PCDHGA5: variants seen among roughly 807,000 people sequenced by gnomAD.
PCDHGA5 encodes protocadherin gamma subfamily A, 5.
A neutral mutation model predicts 56.7 loss-of-function variants in PCDHGA5; 36 were observed. The observed-to-expected ratio is 0.64, with a 90% confidence interval of 0.49 to 0.84. The LOEUF (loss-of-function observed/expected upper bound fraction) is 0.84. Among genes scored for constraint, PCDHGA5 ranks in the 40% least tolerant of loss-of-function variants. The pLI is 0.00. For missense variants in PCDHGA5, 1,305 were observed against 1,201.5 expected (o/e 1.09, Z -1.27); for synonymous variants, 563 against 520.2 (o/e 1.08, Z -1.12).
intron 1 of PCDHGA5, chr5:141,370,755 G>C: frequency 6.2e-7 from 1 of 1,613,972 alleles, no homozygotes; most frequent in South Asian, 1.1e-5. Flanking sequence ...TCATGTAACT[G>C]TGCTGATCCA....
chr5:141,364,420 G>C lies in PCDHGA5; in HGVS notation c.90G>C (p.Gln30His), dbSNP rs1763313585. 6.2e-7 allele frequency: 1 copy of C among 1,613,554 alleles called. No homozygotes were observed. Reference protein sequence around the residue: ...LGTLCEPGSGQIRYSMPEELD... With the variant: ...LGTLCEPGSGHIRYSMPEELD... Reference sequence around the variant, plus strand: ...CGCTGTGCGAGCCAGGATCCGGGCAGATCCGCTACTCGATGCCGGAGGAGC... The same window carrying C: ...CGCTGTGCGAGCCAGGATCCGGGCACATCCGCTACTCGATGCCGGAGGAGC... Residue 30 changes from glutamine (Q) to histidine (H), a missense_variant, in exon 1 of 4, where the codon CAG becomes CAC. Transcript: ENST00000518069.
intron 1 of PCDHGA5, chr5:141,430,575 A>T (rs1056696427): frequency 2.2e-6 from 1 of 455,822 alleles, no homozygotes; most frequent in Non-Finnish European, 3.7e-6. Flanking sequence ...AAAAGCGGAG[A>T]TCCTGCTCGC....
chr5:141,485,109 CTGTT>C lies in PCDHGA5; in HGVS notation c.2422-9695_2422-9692del. ...AGATAGGTGTCTCCAGCTGCTGTGG[CTGTT>C]TGGGGCGGGTCGGCTTCATCCGCGT... On this transcript the variant is annotated intron_variant, in intron 1 of 3. Transcript: ENST00000518069. This position sits in a 1 kb window ranked among gnomAD's most constrained non-coding sequence, Gnocchi z 5.7. 8.1e-7 allele frequency: 1 copy of C among 1,230,964 alleles called. No individual in the cohort carries two copies. Among genetic ancestry groups the C allele is most frequent in the Non-Finnish European group, 1.2e-6 (1 of 850,026 alleles). The allele number at this position is 1,230,964 out of a possible 1,614,324, so 76.3% of individuals were successfully genotyped here.
At chr5:141,433,767 G>A (rs1237334342) in intron 1 of PCDHGA5, among the ~76,000 whole-genome samples, 1 of 151,532 alleles carries the variant, frequency 6.6e-6, no homozygotes, top group East Asian at 1.9e-4. Flanking sequence ...AACCTGGGAG[G>A]TGGAGGTTGC....
Position 141,419,737 on chromosome 5 carries a change from G to A in PCDHGA5, c.2421+52986G>A, listed in dbSNP as rs201663350. 29 of 1,613,836 alleles carry A rather than the reference G, an allele frequency of 1.8e-5. No individual in the cohort carries two copies. In the African/African-American group the frequency reaches 3.6e-4, roughly 20 times the overall value. ...GCCTGGGGCTGCGAACAGGCGAGGTGCGCATGGTGCGTGCTTTGGGTGACA... is the reference window on the plus strand; with the variant it reads ...GCCTGGGGCTGCGAACAGGCGAGGTACGCATGGTGCGTGCTTTGGGTGACA... On this transcript the variant is annotated intron_variant, in intron 1 of 3. Transcript: ENST00000518069.
intron 1 of PCDHGA5, chr5:141,371,582 A>G (rs1442849202): frequency 1.9e-6 from 3 of 1,613,934 alleles, no homozygotes; most frequent in East Asian, 2.2e-5. Context: ...AAATCGTTCA[A>G]GATACCAAAA....
rs1764566733 is a variant in PCDHGA5, at chr5:141,366,450, TC to T, written c.2121del (p.Phe707LeufsTer10). The T allele has an allele frequency of 6.2e-7, 1 of 1,614,230 alleles. No homozygotes were observed. Among genetic ancestry groups the T allele is most frequent in the Non-Finnish European group, 8.5e-7 (1 of 1,180,050 alleles). The stretch of plus-strand genomic sequence containing the variant: ...GCAGTCTCCTGCGTCTTCCTGGCCT[TC>T]GTCATCGTGCTGCTGGTGCTCAGAC... Reference protein sequence around the residue: ...VAAVSCVFLAFVIVLLVLRLR... With the variant: ...VAAVSCVFLAXVIVLLVLRLR... On this transcript the variant is annotated frameshift_variant, in exon 1 of 4. Coordinates refer to ENST00000518069, the MANE Select transcript of PCDHGA5 (RefSeq NM_018918.3). LOFTEE classifies it high-confidence loss of function.
In PCDHGA5 at chr5:141,404,831, C is replaced by T. The variant is rs760971907; in HGVS notation, c.2421+38080C>T. 12 of 1,613,738 alleles carry T rather than the reference C, an allele frequency of 7.4e-6. No homozygotes were observed. The highest frequency in any genetic ancestry group is 3.3e-5 in the Admixed American group (2 of 59,978). On this transcript the variant is annotated intron_variant, in intron 1 of 3. Transcript: ENST00000518069. ...GGTGGGGCTGCACACAGGTGAAGTGCGCACAGCTCGGGCCCTGCTAGATAG... is the reference window on the plus strand; with the variant it reads ...GGTGGGGCTGCACACAGGTGAAGTGTGCACAGCTCGGGCCCTGCTAGATAG...
intron 1 of PCDHGA5, among the ~76,000 whole-genome samples, chr5:141,435,547 G>T (rs2097769325): frequency 6.6e-6 from 1 of 152,114 alleles, no homozygotes. Context: ...AACAAAATGT[G>T]TTTTGAGTGC....
intron 1 of PCDHGA5, chr5:141,400,256 G>A (rs756430299): frequency 9.9e-6 from 16 of 1,613,986 alleles, no homozygotes; most frequent in Admixed American, 1.7e-5. Context: ...GTTGCCTTGC[G>A]CCTGCGACGC....
chr5:141,471,972 T>C (rs952480654), intron 1 of PCDHGA5, among the ~76,000 whole-genome samples: 1 of 152,212 alleles, frequency 6.6e-6, no homozygotes, highest in South Asian at 2.1e-4. Context: ...GTTGCATTAC[T>C]GTATAAATTT....
chr5:141,370,865 G>T (rs749306291), intron 1 of PCDHGA5: 1 of 1,614,004 alleles, frequency 6.2e-7, no homozygotes, highest in Non-Finnish European at 8.5e-7. Context: ...TGGAATCTGC[G>T]CAAGATCCTG....
At chr5:141,510,873 T>A in intron 3 of PCDHGA5, 74 bp from the exon 4 acceptor site, 1 of 1,609,964 alleles carries the variant, frequency 6.2e-7, no homozygotes, top group Non-Finnish European at 8.5e-7. Flanking sequence ...ATTCATTAAC[T>A]GCTGGGGATA....
At chr5:141,468,931 G>A (rs1321821773) in intron 1 of PCDHGA5, among the ~76,000 whole-genome samples, 2 of 148,600 alleles carry the variant, frequency 1.3e-5, no homozygotes, top group Non-Finnish European at 3.0e-5. Flanking sequence ...GCACTAAAAT[G>A]GGAGATGGGG....
At chr5:141,453,786 A>G (rs2098774297) in intron 1 of PCDHGA5, among the ~76,000 whole-genome samples, 1 of 152,252 alleles carries the variant, frequency 6.6e-6, no homozygotes, top group Non-Finnish European at 1.5e-5. Flanking sequence ...TTACCATGGT[A>G]TATTAACTTT....
intron 1 of PCDHGA5, chr5:141,479,186 T>C (rs956575218): frequency 3.3e-5 from 5 of 152,590 alleles, no homozygotes; most frequent in Admixed American, 3.3e-4. Flanking sequence ...GCTAGAAAAT[T>C]CAGAAAATAC....
Position 141,490,810 on chromosome 5 carries a change from T to C in PCDHGA5, c.2422-3997T>C, listed in dbSNP as rs2099704652. On this transcript the variant is annotated intron_variant, in intron 1 of 3. Transcript: ENST00000518069. This position sits in a 1 kb window ranked among gnomAD's most constrained non-coding sequence, Gnocchi z 5.4. ...GATCTTTGCCCAGCGTACCTTTGAC[T>C]ATGAATTGCTGCAGATGCTGCAGAT... 1 of 1,613,936 alleles carries C rather than the reference T, an allele frequency of 6.2e-7. No individual in the cohort carries two copies. Among genetic ancestry groups the C allele is most frequent in the Non-Finnish European group, 8.5e-7 (1 of 1,179,884 alleles).
chr5:141,415,322 T>G (rs1226384298), intron 1 of PCDHGA5: 2 of 1,614,104 alleles, frequency 1.2e-6, no homozygotes, highest in South Asian at 2.2e-5. Flanking sequence ...ATCGTGCTGC[T>G]GGCGCACAGG....
chr5:141,415,599 C>G (rs201075690), intron 1 of PCDHGA5: 321 of 1,613,514 alleles, frequency 2.0e-4, no homozygotes, highest in South Asian at 6.6e-4. Context: ...TAGAGGATAC[C>G]CCATTGGTTC....
Sources: allele counts gnomAD v4.1 joint callset (sites outside exome capture counted in the v4.1 genomes callset), GRCh38; gene constraint gnomAD v4.1.1; non-coding constraint Gnocchi (gnomAD v3.1); transcripts MANE v1.5; gene names NCBI Gene and HGNC (gene_info 2026-07-23, HGNC 2026-07-21).